The following PSIP1 variants were observed in gnomAD, a reference collection of about 807,000 sequenced individuals.
PSIP1 encodes PC4 and SRSF1 interacting protein 1, also known as PC4 and SFRS1-interacting protein.
Under a neutral mutation model 74.7 loss-of-function variants are expected in PSIP1, and 19 were observed. That is an observed-to-expected ratio of 0.25 (90% CI 0.18 to 0.37). PSIP1 has a LOEUF of 0.37. Ranked by LOEUF, PSIP1 falls within the 10% of genes least tolerant of loss-of-function variation. PSIP1 has a pLI of 1.00. For synonymous variants in PSIP1, 222 were observed against 195.3 expected (o/e 1.14, Z -1.14); for missense variants, 601 against 614.3 (o/e 0.98, Z 0.23).
intron 10 of PSIP1, chr9:15,470,493 T>C: frequency 1.3e-6 from 1 of 751,544 alleles, no homozygotes; most frequent in Non-Finnish European, 1.6e-6. Flanking sequence ...CACTAACATT[T>C]CACAAAAGGT....
intron 10 of PSIP1, 90 bp from the exon 11 acceptor site, chr9:15,470,083 T>G (rs1302569691): frequency 9.6e-7 from 1 of 1,038,636 alleles, no homozygotes; most frequent in Non-Finnish European, 1.5e-6. Flanking sequence ...AATGTTTTCC[T>G]TAAAATAAGT....
chr9:15,470,515 G>A, intron 10 of PSIP1: 1 of 806,256 alleles, frequency 1.2e-6, no homozygotes, highest in Non-Finnish European at 1.5e-6. Context: ...CCATTTTATT[G>A]TCAATCACAA....
At chr9:15,483,439 TAAAA>T (rs1333958427) in intron 6 of PSIP1, among the ~76,000 whole-genome samples, 1 of 151,830 alleles carries the variant, frequency 6.6e-6, no homozygotes, top group African/African-American at 2.4e-5. Flanking sequence ...CTACACCACT[TAAAA>T]AATCTATAAG....
chr9:15,503,933 G>A (rs1413304996), intron 3 of PSIP1, among the ~76,000 whole-genome samples: 1 of 152,074 alleles, frequency 6.6e-6, no homozygotes, highest in Non-Finnish European at 1.5e-5. Flanking sequence ...TTTCAGTAGA[G>A]ATGGGGTTTC....
intron 6 of PSIP1, among the ~76,000 whole-genome samples, chr9:15,480,279 G>A (rs1467540480): frequency 6.6e-6 from 1 of 152,158 alleles, no homozygotes; most frequent in Non-Finnish European, 1.5e-5. Flanking sequence ...GTAAACATGA[G>A]GCAGCAGTTG....
rs2035565978 is a variant in PSIP1, at chr9:15,465,583, G to A, written c.1533-3C>T. The A allele has an allele frequency of 6.4e-7, 1 of 1,572,984 alleles. No homozygotes were observed. Among genetic ancestry groups the A allele is most frequent in the Non-Finnish European group, 8.7e-7 (1 of 1,148,756 alleles). ...TCTCTCTCTCTTCACTGGATGGCCT[G>A]AAGAAAAGGGGGAAAGGTACAACTG... On this transcript the variant is annotated splice_polypyrimidine_tract_variant and splice_region_variant and intron_variant, in intron 15 of 15. Transcript: ENST00000380733.
chr9:15,471,565 G>A lies in PSIP1; in HGVS notation c.977+1067C>T, dbSNP rs1290040782. The A allele has an allele frequency of 3.1e-6, 3 of 963,368 alleles. No homozygotes were observed. The African/African-American group carries it at 5.3e-5, about 17-fold the overall frequency. The allele number at this position is 963,368 out of a possible 1,614,324, so 59.7% of individuals were successfully genotyped here. On this transcript the variant is annotated intron_variant, in intron 10 of 15. Coordinates refer to ENST00000380733, the MANE Select transcript of PSIP1 (RefSeq NM_033222.5). ...TGAAAAGATAGAATAGAAAATGATA[G>A]GTGACAAAGAATAACTTAAATATTT...
intron 3 of PSIP1, among the ~76,000 whole-genome samples, chr9:15,498,719 T>C (rs1049123250): frequency 2.6e-5 from 4 of 152,076 alleles, no homozygotes; most frequent in African/African-American, 9.7e-5. Context: ...ATACATAATA[T>C]CAAATACCAA....
chr9:15,510,026 G>T (rs892207614), intron 2 of PSIP1, 91 bp downstream of exon 2: 2 of 1,320,826 alleles, frequency 1.5e-6, no homozygotes, highest in South Asian at 1.3e-5. Context: ...GGGAGAGAAA[G>T]GACAGAAGAA....
intron 2 of PSIP1, among the ~76,000 whole-genome samples, chr9:15,507,175 G>A (rs1473786079): frequency 6.6e-6 from 1 of 152,214 alleles, no homozygotes; most frequent in Non-Finnish European, 1.5e-5. Context: ...CTTCACTGAT[G>A]TGCCTGAATC....
chr9:15,502,090 A>T (rs1020400731), intron 3 of PSIP1, among the ~76,000 whole-genome samples: 2 of 152,076 alleles, frequency 1.3e-5, no homozygotes, highest in African/African-American at 2.4e-5. Flanking sequence ...AGTGCTCCTT[A>T]TAAGAATCTA....
At chr9:15,475,466 T>G (rs919823750) in intron 8 of PSIP1, among the ~76,000 whole-genome samples, 1 of 152,172 alleles carries the variant, frequency 6.6e-6, no homozygotes, top group Non-Finnish European at 1.5e-5. Context: ...AGGAAATAGC[T>G]ATTAAAAATA....
intron 3 of PSIP1, among the ~76,000 whole-genome samples, chr9:15,503,440 T>G (rs1017839905): frequency 6.6e-6 from 1 of 152,060 alleles, no homozygotes; most frequent in African/African-American, 2.4e-5. Flanking sequence ...GAGGATCACT[T>G]GAAACCAGGC....
At chr9:15,470,385 G>C (rs907128659) in intron 10 of PSIP1, among the ~76,000 whole-genome samples, 1 of 152,050 alleles carries the variant, frequency 6.6e-6, no homozygotes, top group African/African-American at 2.4e-5. Flanking sequence ...GCAGATTAAT[G>C]AGTTCTGAAG....
intron 3 of PSIP1, among the ~76,000 whole-genome samples, chr9:15,502,393 G>C (rs553116409): frequency 2.0e-5 from 3 of 152,272 alleles, no homozygotes; most frequent in African/African-American, 7.2e-5. Flanking sequence ...CAGGCCAACT[G>C]TATATGAAGA....
At chr9:15,471,782 T>C in intron 10 of PSIP1, 13 of 953,358 alleles carry the variant, frequency 1.4e-5, no homozygotes, top group Non-Finnish European at 1.6e-5. Context: ...AAGTACAAAA[T>C]TGTTCAAGAA....
At chr9:15,490,162 G>A (rs1168169111) in intron 3 of PSIP1, 38 bp from the exon 4 acceptor site, 1 of 1,518,852 alleles carries the variant, frequency 6.6e-7, no homozygotes, top group African/African-American at 1.4e-5. Context: ...TGCAAAGCAA[G>A]CTCAAATACA....
intron 14 of PSIP1, among the ~76,000 whole-genome samples, chr9:15,467,389 C>T (rs1042874101): frequency 6.6e-6 from 1 of 152,070 alleles, no homozygotes; most frequent in Admixed American, 6.6e-5. Context: ...GCAACAAAAA[C>T]AAAAAACCAA....
intron 2 of PSIP1, among the ~76,000 whole-genome samples, chr9:15,509,727 T>C (rs560616464): frequency 6.6e-6 from 1 of 152,342 alleles, no homozygotes; most frequent in East Asian, 1.9e-4. Context: ...TGTTTGTGTG[T>C]AATCTGCACA....
Sources: gnomAD v4.1 joint callset for allele counts (sites outside exome capture counted in the v4.1 genomes callset) on GRCh38, gnomAD v4.1.1 for gene constraint, MANE v1.5 for transcripts, NCBI Gene and HGNC (gene_info 2026-07-23, HGNC 2026-07-21) for gene names.